Variants in SAYSD1 observed in about 807,000 individuals in gnomAD.
SAYSD1 encodes SAYSvFN domain-containing protein 1.
A neutral mutation model predicts 14.5 loss-of-function variants in SAYSD1; 15 were observed. The ratio of observed to expected loss-of-function variants is 1.03; its 90% CI spans 0.69 to 1.59. The LOEUF (loss-of-function observed/expected upper bound fraction) is 1.59. SAYSD1 is among the 40% of genes most tolerant of loss of function. SAYSD1 has a pLI of 0.00. For missense variants in SAYSD1, 247 were observed against 227.3 expected, an observed-to-expected ratio of 1.09 and a Z score of -0.56; for synonymous variants, 105 against 102.6, an observed-to-expected ratio of 1.02 and a Z score of -0.14.
chr6:39,106,288 G>A (rs1769501955), intron 1 of SAYSD1, among the ~76,000 whole-genome samples: 1 of 152,056 alleles, frequency 6.6e-6, no homozygotes, highest in Non-Finnish European at 1.5e-5. Context: ...AGCACTTTGG[G>A]AGGCTGAGGC....
rs1769709148 is a variant in SAYSD1 at position 39,114,894 on chromosome 6, C to T, written c.196G>A (p.Gly66Ser). The T allele has an allele frequency of 5.6e-6, 9 of 1,612,288 alleles. No homozygotes were observed. The highest frequency in any genetic ancestry group is 3.3e-5 in the South Asian group (3 of 91,042). Residue 66 changes from glycine to serine, a missense_variant, in exon 1 of 2, where the codon GGC becomes AGC. Physicochemically the swap from Gly to Ser is moderately conservative, Grantham distance 56. Coordinates refer to ENST00000229903, the MANE Select transcript of SAYSD1 (RefSeq NM_018322.3). ...PRPASARAQP[G>S]LVQEAAQPQG... ...TTCCATCGTCTCACCTGAACTAGGC[C>T]GGGCTGGGCCCGGGCACTCGCGGGC...
intron 1 of SAYSD1, among the ~76,000 whole-genome samples, chr6:39,107,743 T>C (rs1465772435): frequency 1.3e-5 from 2 of 152,148 alleles, no homozygotes; most frequent in African/African-American, 4.8e-5. Flanking sequence ...CTGATACTCA[T>C]TAAAGAAAGA....
At chr6:39,114,731 G>A (rs1423315719) in intron 1 of SAYSD1, 152 bp downstream of exon 1, 1 of 713,754 alleles carries the variant, frequency 1.4e-6, no homozygotes. Context: ...GCTGACACGT[G>A]TGGCCGGAGA....
In SAYSD1 at chr6:39,105,767, G is replaced by A. The variant is rs1315426869; in HGVS notation, c.217C>T (p.Gln73Ter). Residue 73 changes from glutamine to a stop codon, truncating the protein, a stop_gained, in exon 2 of 2, where the codon CAG (glutamine) becomes TAG (stop). Transcript: ENST00000229903. LOFTEE classifies it low-confidence loss of function (END_TRUNC). The stretch of plus-strand genomic sequence containing the variant: ...GTCTCTGATGTGCTGCCCTGGGGCT[G>A]AGCCGCTTCCTAGGATACACAAACA... ...AQPGLVQEAA[Q>*]PQGSTSETPW... 3 of 1,613,094 alleles carry A rather than the reference G, an allele frequency of 1.9e-6. No homozygotes were observed. The highest frequency in any genetic ancestry group is 2.5e-6 in the Non-Finnish European group (3 of 1,179,410).
At chr6:39,108,432 G>A (rs1248205220) in intron 1 of SAYSD1, among the ~76,000 whole-genome samples, 3 of 149,548 alleles carry the variant, frequency 2.0e-5, no homozygotes, top group Non-Finnish European at 4.4e-5. Context: ...GTGGGGGTGG[G>A]GGGGTAAACA....
chr6:39,113,239 A>G (rs1769662558), intron 1 of SAYSD1: 1 of 152,344 alleles, frequency 6.6e-6, no homozygotes, highest in African/African-American at 2.4e-5. Flanking sequence ...ACTGTATGTT[A>G]AAAGAGATAA....
intron 1 of SAYSD1, chr6:39,111,051 G>A (rs1769616045): frequency 6.6e-6 from 1 of 152,184 alleles, no homozygotes; most frequent in Admixed American, 6.5e-5. Context: ...AAAAAACTGT[G>A]TGTTGACTCA....
chr6:39,112,697 C>G (rs1334709497), intron 1 of SAYSD1: 1 of 152,208 alleles, frequency 6.6e-6, no homozygotes, highest in Non-Finnish European at 1.5e-5. Flanking sequence ...GAGAGAATAT[C>G]TCAACTACAA....
chr6:39,114,772 G>A (rs1200177007), intron 1 of SAYSD1, 111 bp downstream of exon 1: 8 of 1,046,542 alleles, frequency 7.6e-6, no homozygotes, highest in Admixed American at 1.9e-5. Flanking sequence ...CAGGATGGGG[G>A]GCCAGTAGCC....
intron 1 of SAYSD1, chr6:39,110,934 A>G (rs1227794696): frequency 6.6e-6 from 1 of 152,232 alleles, no homozygotes; most frequent in Non-Finnish European, 1.5e-5. Context: ...ATGGTCTTCA[A>G]AATGACAACC....
At position 39,105,595 on chromosome 6, in the gene SAYSD1, A is replaced by G. The variant is rs960233610; in HGVS notation, c.389T>C (p.Leu130Ser). ...EFGLAYFVLS[L>S]FYWMYVGTRG... ...TGTCCCGACGTACATCCAATAGAACAAGGACAGGACAAAATATGCCAGGCC... is the reference window on the plus strand; with the variant it reads ...TGTCCCGACGTACATCCAATAGAACGAGGACAGGACAAAATATGCCAGGCC... Residue 130 changes from leucine (L) to serine (S), a missense_variant, in exon 2 of 2, where the codon TTG becomes TCG. Physicochemically the swap from Leu to Ser is moderately radical, Grantham distance 145. Coordinates refer to ENST00000229903, the MANE Select transcript of SAYSD1 (RefSeq NM_018322.3). 4.3e-6 allele frequency: 7 copies of G among 1,614,140 alleles called. No homozygotes were observed. The highest frequency in any genetic ancestry group is 5.1e-6 in the Non-Finnish European group (6 of 1,179,992).
At chr6:39,110,940 C>G (rs977372166) in intron 1 of SAYSD1, 1 of 151,642 alleles carries the variant, frequency 6.6e-6, no homozygotes, top group African/African-American at 2.4e-5. Flanking sequence ...TTCAAAATGA[C>G]AACCCAGAAG....
At chr6:39,109,595 A>G in intron 1 of SAYSD1, 1 of 1,367,252 alleles carries the variant, frequency 7.3e-7, no homozygotes, top group Non-Finnish European at 9.4e-7. Flanking sequence ...TTGTGCATAT[A>G]CATTACAGTT....
intron 1 of SAYSD1, 61 bp downstream of exon 1, chr6:39,114,822 G>A (rs879788051): frequency 5.2e-6 from 8 of 1,547,686 alleles, no homozygotes; most frequent in Non-Finnish European, 7.1e-6. Flanking sequence ...GGCAGCTAGG[G>A]CCGCGCCCTC....
chr6:39,106,495 C>G (rs1769506167), intron 1 of SAYSD1, among the ~76,000 whole-genome samples: 1 of 152,220 alleles, frequency 6.6e-6, no homozygotes, highest in Non-Finnish European at 1.5e-5. Context: ...CCACCACACT[C>G]TAGCTTGGGC....
intron 1 of SAYSD1, chr6:39,112,747 A>G (rs1769651810): frequency 6.6e-6 from 1 of 152,290 alleles, no homozygotes; most frequent in Non-Finnish European, 1.5e-5. Flanking sequence ...TGGTGCTCAT[A>G]AGAAAGGGGA....
intron 1 of SAYSD1, chr6:39,112,604 C>G (rs1383031403): frequency 6.6e-6 from 1 of 152,206 alleles, no homozygotes; most frequent in African/African-American, 2.4e-5. Flanking sequence ...AAGAAATTCT[C>G]TCAGAGAAAA....
Position 39,114,898 on chromosome 6 carries a change from C to T in SAYSD1, c.192G>A (p.Gln64=), listed in dbSNP as rs1769709297. 1.9e-6 allele frequency: 3 copies of T among 1,612,406 alleles called. No individual in the cohort carries two copies. Among genetic ancestry groups the T allele is most frequent in the Non-Finnish European group, 2.5e-6 (3 of 1,179,864 alleles). The change falls in exon 1 of 2, where the codon CAG becomes CAA. Residue 64 remains glutamine, a synonymous_variant. Transcript: ENST00000229903. The part of the protein sequence containing the change: ...WKPRPASARA[Q]PGLVQEAAQP... ...ATCGTCTCACCTGAACTAGGCCGGG[C>T]TGGGCCCGGGCACTCGCGGGCCTAG...
intron 1 of SAYSD1, among the ~76,000 whole-genome samples, chr6:39,114,012 T>C (rs1361093490): frequency 6.6e-6 from 1 of 152,236 alleles, no homozygotes; most frequent in African/African-American, 2.4e-5. Context: ...GGAAATAATT[T>C]TAAGGTGAGC....
Sources: allele counts gnomAD v4.1 joint callset (sites outside exome capture counted in the v4.1 genomes callset), GRCh38; gene constraint gnomAD v4.1.1; transcripts MANE v1.5; gene names NCBI Gene and HGNC (gene_info 2026-07-23, HGNC 2026-07-21).